The following SYTL2 variants were observed in gnomAD, a reference collection of about 807,000 sequenced individuals.
The protein encoded by SYTL2 is synaptotagmin like 2, also known as synaptotagmin-like protein 2.
SYTL2 carries 165 observed loss-of-function variants against 198.7 expected under a neutral mutation model. The observed-to-expected ratio is 0.83, with a 90% confidence interval of 0.73 to 0.94. The LOEUF (loss-of-function observed/expected upper bound fraction) is 0.94, where lower values mean the gene tolerates loss of function less well. SYTL2 is among the 40% of genes least tolerant of loss of function. The pLI, the probability that SYTL2 is intolerant of heterozygous loss-of-function variation, is 0.00. For synonymous variants in SYTL2, 966 were observed against 917.7 expected (o/e 1.05, Z -0.95); for missense variants, 2,835 against 2,582.8 (o/e 1.10, Z -2.12).
intron 1 of SYTL2, among the ~76,000 whole-genome samples, chr11:85,760,310 C>A (rs1033248292): frequency 6.6e-6 from 1 of 152,288 alleles, no homozygotes; most frequent in East Asian, 1.9e-4. Context: ...AGTTGTTATA[C>A]GATACTCCCG....
At chr11:85,733,037 C>T (rs746709346) in intron 7 of SYTL2, among the ~76,000 whole-genome samples, 2 of 152,150 alleles carry the variant, frequency 1.3e-5, no homozygotes, top group Non-Finnish European at 2.9e-5. Flanking sequence ...CCCTCATTGC[C>T]TCTCAACTCA....
chr11:85,707,329 C>A, intron 15 of SYTL2, 100 bp downstream of exon 15: 4 of 771,238 alleles, frequency 5.2e-6, no homozygotes, highest in Non-Finnish European at 8.8e-6. Flanking sequence ...TCCTTCTCCT[C>A]TCTTGGTGAC....
chr11:85,781,303 T>G (rs1017482302), intron 1 of SYTL2, among the ~76,000 whole-genome samples: 3 of 152,122 alleles, frequency 2.0e-5, no homozygotes, highest in Non-Finnish European at 4.4e-5. Context: ...TGACTCACTG[T>G]CACTAGAACA....
At position 85,695,308 on chromosome 11, in the gene SYTL2, C is replaced by T; in HGVS notation, c.6607G>A (p.Asp2203Asn). ...KSYGTEVDWM[D>N]STSEEVALWE... ...AGAGCAACTTCCTCTGAAGTAGAGT[C>T]CATCCAGTCCACTTCAGTCCCATAA... Residue 2203 changes from aspartate (D) to asparagine (N), a missense_variant, in exon 20 of 20, where the codon GAC becomes AAC. Physicochemically the swap from Asp to Asn is conservative, Grantham distance 23. Transcript: ENST00000359152. The T allele has an allele frequency of 6.2e-7, 1 of 1,607,106 alleles. No individual in the cohort carries two copies. Among genetic ancestry groups the T allele is most frequent in the Non-Finnish European group, 8.5e-7 (1 of 1,175,858 alleles).
At chr11:85,717,426 T>C (rs943217397) in intron 11 of SYTL2, 57 bp downstream of exon 11, 8 of 1,421,058 alleles carry the variant, frequency 5.6e-6, no homozygotes, top group East Asian at 2.3e-5. Flanking sequence ...TATTTCAGTA[T>C]ATTTAATATG....
Position 85,724,560 on chromosome 11 carries a change from C to T in SYTL2, c.4798G>A (p.Glu1600Lys), listed in dbSNP as rs773666425. Residue 1600 changes from glutamate to lysine, a missense_variant, in exon 8 of 20, where the codon GAG becomes AAG. Coordinates refer to ENST00000359152, the MANE Select transcript of SYTL2 (RefSeq NM_206927.4). ...ETHEKESSQS[E>K]QTRFLGTVPH... ...ACTGTCCCCAAGAACCTGGTCTGCT[C>T]TGACTGTGAGGACTCCTTCTCGTGA... 21 of 1,613,776 alleles carry T rather than the reference C, an allele frequency of 1.3e-5. No individual in the cohort carries two copies. Among genetic ancestry groups the T allele is most frequent in the South Asian group, 3.3e-5 (3 of 91,042 alleles).
intron 14 of SYTL2, chr11:85,708,040 G>A (rs2085516893): frequency 2.7e-6 from 1 of 368,950 alleles, no homozygotes; most frequent in South Asian, 2.0e-5. Flanking sequence ...ATGCATGCCT[G>A]TAATTCCAGC....
chr11:85,699,492 T>A (rs1284429458), intron 17 of SYTL2, among the ~76,000 whole-genome samples: 1 of 152,030 alleles, frequency 6.6e-6, no homozygotes, highest in African/African-American at 2.4e-5. Context: ...TTTAGGAAAA[T>A]CCAGAAGTTC....
chr11:85,843,460 T>C, the SYTL2 span, among the ~76,000 whole-genome samples: 1 of 152,026 alleles, frequency 6.6e-6, no homozygotes, highest in Non-Finnish European at 1.5e-5. Flanking sequence ...ATTTACTAAA[T>C]ACGGAACATA....
At chr11:85,746,175 AC>A (rs2091144123) in intron 3 of SYTL2, among the ~76,000 whole-genome samples, 1 of 152,208 alleles carries the variant, frequency 6.6e-6, no homozygotes, top group Non-Finnish European at 1.5e-5. Context: ...CTGAATAGCT[AC>A]AATGTGTTCA....
chr11:85,753,130 C>T lies in SYTL2; in HGVS notation c.101+4495G>A, dbSNP rs141728079. ...CAGCAATTTCCTGCTGGCAGTGTGACGCAAAGCACAGGAAATGCCACCTTT... is the reference window on the plus strand; with the variant it reads ...CAGCAATTTCCTGCTGGCAGTGTGATGCAAAGCACAGGAAATGCCACCTTT... On this transcript the variant is annotated intron_variant, in intron 2 of 19. Coordinates refer to ENST00000359152, the MANE Select transcript of SYTL2 (RefSeq NM_206927.4). 2.5e-3 allele frequency among the ~76,000 whole-genome samples: 386 copies of T among 151,784 alleles called. 3 individuals are homozygous for T. Among genetic ancestry groups the T allele is most frequent in the South Asian group, 0.022 (107 of 4,796 alleles).
intron 10 of SYTL2, among the ~76,000 whole-genome samples, chr11:85,717,960 G>A (rs949362909): frequency 6.6e-6 from 1 of 152,142 alleles, no homozygotes; most frequent in Non-Finnish European, 1.5e-5. Context: ...TGAGGTTGTT[G>A]TAAACATAAA....
intron 4 of SYTL2, among the ~76,000 whole-genome samples, chr11:85,740,265 C>T (rs1170247633): frequency 2.0e-5 from 3 of 152,188 alleles, no homozygotes; most frequent in African/African-American, 4.8e-5. Context: ...CAGAAACTCA[C>T]CTGACTCTGC....
chr11:85,755,340 A>G (rs1401753277), intron 2 of SYTL2, among the ~76,000 whole-genome samples: 2 of 152,196 alleles, frequency 1.3e-5, no homozygotes, highest in Non-Finnish European at 2.9e-5. Context: ...GGCCAAGTCC[A>G]CATGAGGTAC....
At chr11:85,831,306 T>A in the SYTL2 span, among the ~76,000 whole-genome samples, 2 of 152,214 alleles carry the variant, frequency 1.3e-5, no homozygotes, top group African/African-American at 4.8e-5. Flanking sequence ...CCTGCCAACT[T>A]TGAAATGTAG....
chr11:85,813,695 C>T (rs983967434), upstream of SYTL2, among the ~76,000 whole-genome samples: 247 of 102,882 alleles, frequency 2.4e-3, 10 homozygotes, highest in Admixed American at 3.9e-3. Flanking sequence ...AAGTCTCCTC[C>T]CTCCCTCCCT....
intron 12 of SYTL2, among the ~76,000 whole-genome samples, chr11:85,713,755 C>A (rs2086706910): frequency 6.6e-6 from 1 of 152,156 alleles, no homozygotes; most frequent in Non-Finnish European, 1.5e-5. Flanking sequence ...ATATTAGGTA[C>A]TCAATGAATA....
chr11:85,852,939 A>G, the SYTL2 span: 41,627 of 271,294 alleles, frequency 0.15, 3,540 homozygotes, highest in Middle Eastern at 0.18. Flanking sequence ...GAGCGTCTCT[A>G]CCCGGCCGCC....
intron 4 of SYTL2, among the ~76,000 whole-genome samples, chr11:85,745,325 T>C (rs1211292895): frequency 6.6e-6 from 1 of 152,182 alleles, no homozygotes. Context: ...CAAATTGAAG[T>C]ACCTCTTCAT....
Sources: allele counts gnomAD v4.1 joint callset (sites outside exome capture counted in the v4.1 genomes callset), GRCh38; gene constraint gnomAD v4.1.1; transcripts MANE v1.5; gene names NCBI Gene and HGNC (gene_info 2026-07-23, HGNC 2026-07-21).